Variants in POC1B observed in about 807,000 individuals in gnomAD.
The protein encoded by POC1B is POC1 centriolar protein B.
A neutral mutation model predicts 60.6 loss-of-function variants in POC1B; 44 were observed. The observed-to-expected ratio is 0.73, with a 90% CI of 0.57 to 0.93. The LOEUF is 0.93. POC1B is among the 40% of genes least tolerant of loss of function. The probability of loss-of-function intolerance (pLI) is 0.00; values close to 1 mark genes in which losing one functional copy is unlikely to be tolerated. For synonymous variants in POC1B, 180 were observed against 198.9 expected, an observed-to-expected ratio of 0.90 and a Z score of 0.80; for missense variants, 555 against 572.3, an observed-to-expected ratio of 0.97 and a Z score of 0.31.
chr12:89,510,627 G>A (rs888614447), intron 2 of POC1B, among the ~76,000 whole-genome samples: 4 of 152,210 alleles, frequency 2.6e-5, no homozygotes, highest in Non-Finnish European at 4.4e-5. Context: ...CTGTAGGTCA[G>A]TGCCTGAAAA....
At chr12:89,457,953 A>G (rs548313833) in intron 10 of POC1B, among the ~76,000 whole-genome samples, 3 of 152,320 alleles carry the variant, frequency 2.0e-5, no homozygotes, top group Admixed American at 6.5e-5. Context: ...TGTACAATCT[A>G]TACTACAAGG....
At chr12:89,505,666 T>C (rs1565754386) in intron 2 of POC1B, among the ~76,000 whole-genome samples, 1 of 152,236 alleles carries the variant, frequency 6.6e-6, no homozygotes, top group Non-Finnish European at 1.5e-5. Flanking sequence ...GCAGGTCACA[T>C]TCTAAATATT....
intron 2 of POC1B, among the ~76,000 whole-genome samples, chr12:89,504,028 G>T (rs1316339234): frequency 3.9e-5 from 6 of 152,048 alleles, no homozygotes; most frequent in African/African-American, 1.4e-4. Flanking sequence ...TCCAGGAGGT[G>T]GGGGGCGCCT....
chr12:89,419,209 G>GA (rs1880427927), downstream of POC1B, among the ~76,000 whole-genome samples: 1 of 152,004 alleles, frequency 6.6e-6, no homozygotes, highest in Non-Finnish European at 1.5e-5. Flanking sequence ...CCTATCTAGA[G>GA]ATGCCTGTTA....
the POC1B span, among the ~76,000 whole-genome samples, chr12:89,414,146 G>A: frequency 6.6e-6 from 1 of 152,158 alleles, no homozygotes; most frequent in Non-Finnish European, 1.5e-5. Flanking sequence ...GCCCACCTCG[G>A]CCTCCCAAAG....
chr12:89,502,542 T>C (rs1869627693), intron 2 of POC1B: 3 of 1,121,832 alleles, frequency 2.7e-6, no homozygotes, highest in East Asian at 2.5e-5. Context: ...ACTAGCTTAA[T>C]GGTAAATCTA....
intron 1 of POC1B, 22 bp downstream of exon 1, chr12:89,525,859 C>T (rs1174593619): frequency 6.3e-6 from 9 of 1,426,448 alleles, no homozygotes; most frequent in South Asian, 1.5e-5. Flanking sequence ...AGGGACCCCC[C>T]CCACCTCCAA....
intron 2 of POC1B, chr12:89,501,000 G>A: frequency 1.0e-6 from 1 of 953,924 alleles, no homozygotes; most frequent in South Asian, 1.4e-5. Context: ...GAAGTTGATA[G>A]AGGATGAATT....
chr12:89,425,812 A>G (rs1880739935), intron 10 of POC1B: 1 of 153,818 alleles, frequency 6.5e-6, no homozygotes, highest in South Asian at 2.0e-4. Flanking sequence ...AAAATGGTTC[A>G]GCTGCTTTGG....
chr12:89,515,837 C>T (rs1870417102), intron 2 of POC1B, among the ~76,000 whole-genome samples: 1 of 152,208 alleles, frequency 6.6e-6, no homozygotes, highest in Non-Finnish European at 1.5e-5. Flanking sequence ...TCACCATCTT[C>T]ACTTCACTAA....
intron 2 of POC1B, among the ~76,000 whole-genome samples, chr12:89,517,123 ATC>A (rs1870479991): frequency 6.6e-6 from 1 of 152,044 alleles, no homozygotes; most frequent in African/African-American, 2.4e-5. Flanking sequence ...CTACAGCTTC[ATC>A]TCTGTTTACC....
chr12:89,412,382 A>G, the POC1B span, among the ~76,000 whole-genome samples: 1 of 148,374 alleles, frequency 6.7e-6, no homozygotes, highest in Non-Finnish European at 1.5e-5. Context: ...GTAGTTTTCA[A>G]AAGTTTTTAA....
At chr12:89,508,397 CTTG>C (rs1264753037) in intron 2 of POC1B, among the ~76,000 whole-genome samples, 1 of 152,058 alleles carries the variant, frequency 6.6e-6, no homozygotes, top group African/African-American at 2.4e-5. Context: ...AGACTATAGG[CTTG>C]TTATTTTGGT....
intron 2 of POC1B, chr12:89,500,734 T>G (rs1869517113): frequency 1.6e-6 from 2 of 1,234,244 alleles, no homozygotes; most frequent in African/African-American, 3.1e-5. Flanking sequence ...ATAAAGTTAT[T>G]TTAAAGAAAA....
At chr12:89,418,871 C>T (rs1443023484), downstream of POC1B, among the ~76,000 whole-genome samples, 1 of 152,076 alleles carries the variant, frequency 6.6e-6, no homozygotes, top group Non-Finnish European at 1.5e-5. Context: ...ATAAATTATC[C>T]AGCCTCAGGT....
At chr12:89,427,063 T>C (rs1386548217) in intron 10 of POC1B, 2 of 152,146 alleles carry the variant, frequency 1.3e-5, no homozygotes, top group African/African-American at 2.4e-5. Flanking sequence ...AAAACTCATA[T>C]GGAAATGCAA....
intron 2 of POC1B, among the ~76,000 whole-genome samples, chr12:89,499,370 G>T (rs191081600): frequency 6.6e-5 from 10 of 152,240 alleles, no homozygotes; most frequent in African/African-American, 2.4e-4. Context: ...AAAGGAGCGG[G>T]GAAAGGTTTG....
intron 10 of POC1B, among the ~76,000 whole-genome samples, chr12:89,440,646 G>A (rs1881472153): frequency 6.6e-6 from 1 of 152,160 alleles, no homozygotes; most frequent in African/African-American, 2.4e-5. Context: ...AGAATTAGAG[G>A]AGAGTAGGTT....
chr12:89,433,387 T>C (rs1881120082), intron 10 of POC1B, among the ~76,000 whole-genome samples: 1 of 152,148 alleles, frequency 6.6e-6, no homozygotes, highest in Non-Finnish European at 1.5e-5. Flanking sequence ...TGAGTGCCCA[T>C]GGAGCTTTGT....
Sources: allele counts gnomAD v4.1 joint callset (sites outside exome capture counted in the v4.1 genomes callset), GRCh38; gene constraint gnomAD v4.1.1; transcripts MANE v1.5; gene names NCBI Gene and HGNC (gene_info 2026-07-23, HGNC 2026-07-21).